Variants in B4GALNT2 observed in about 807,000 individuals in gnomAD.
The protein encoded by B4GALNT2 is N-acetylneuraminylgalactosylglucosyl-glucoside beta-1,4-N- acetylgalactosaminyltransferase 2.
In B4GALNT2, 42 loss-of-function variants were observed where a neutral mutation model predicts 51.1. That is an observed-to-expected ratio of 0.82 (90% CI 0.64 to 1.06). The LOEUF (loss-of-function observed/expected upper bound fraction) is 1.06. B4GALNT2 is among the 50% of genes least tolerant of loss of function. B4GALNT2 has a pLI of 0.00. For missense variants in B4GALNT2, 602 were observed against 633.6 expected (o/e 0.95, Z 0.54); for synonymous variants, 253 against 251.7 (o/e 1.01, Z -0.05).
chr17:49,158,389 A>G (rs1426891152), intron 5 of B4GALNT2, among the ~76,000 whole-genome samples: 1 of 152,136 alleles, frequency 6.6e-6, no homozygotes, highest in Non-Finnish European at 1.5e-5. Context: ...ATCTAGCAGG[A>G]AGGTGTGGAG....
intron 10 of B4GALNT2, among the ~76,000 whole-genome samples, 187 bp from the exon 11 acceptor site, chr17:49,169,332 CTTAT>C (rs1388154625): frequency 6.6e-6 from 1 of 152,128 alleles, no homozygotes; most frequent in African/African-American, 2.4e-5. Flanking sequence ...GAGAAATGAG[CTTAT>C]TTATTTCCTT....
chr17:49,161,681 G>GATATCTAAATACATTTTAAAGTACTAGA (rs2042866385), intron 7 of B4GALNT2, among the ~76,000 whole-genome samples: 2 of 151,708 alleles, frequency 1.3e-5, no homozygotes, highest in Admixed American at 6.6e-5. Flanking sequence ...TAAAGTACTA[G>GATATCTAAATACATTTTAAAGTACTAGA]AAAAAAAACC....
rs2042963443 is a variant in B4GALNT2, at chr17:49,172,519, T to C, written c.*2791T>C. The C allele has an allele frequency of 6.5e-6, 1 of 153,926 alleles. No individual in the cohort carries two copies. Among genetic ancestry groups the C allele is most frequent in the South Asian group, 2.0e-4 (1 of 4,886 alleles). 9.5% of individuals were successfully genotyped at this position (153,926 alleles called of 1,614,324 possible). A position where few individuals can be genotyped will look rare whatever the true frequency, so the allele number is the denominator to read the frequency against. ...TCAAAAAATTTAAAGTCAATAATGC[T>C]AGAATCAATTGCATATGGGGTGTCC... On this transcript the variant is annotated 3_prime_UTR_variant, in exon 11 of 11. Transcript: ENST00000393354.
chr17:49,134,197 C>T (rs956229066), intron 1 of B4GALNT2, among the ~76,000 whole-genome samples: 5 of 152,140 alleles, frequency 3.3e-5, no homozygotes, highest in Admixed American at 6.6e-5. Context: ...TGGAATCATG[C>T]ATAAAAGGTC....
At chr17:49,141,145 T>G in intron 1 of B4GALNT2, 102 bp from the exon 2 acceptor site, 1 of 1,108,286 alleles carries the variant, frequency 9.0e-7, no homozygotes, top group Non-Finnish European at 1.4e-6. Context: ...CAATATAAGC[T>G]ATGTGCTTAG....
At chr17:49,158,561 CT>C (rs1479941739) in intron 5 of B4GALNT2, among the ~76,000 whole-genome samples, 2 of 145,038 alleles carry the variant, frequency 1.4e-5, no homozygotes, top group Non-Finnish European at 3.0e-5. Context: ...TTGCTTTAAC[CT>C]GGGAGGTGGA....
chr17:49,143,819 A>C (rs755131615), intron 3 of B4GALNT2, among the ~76,000 whole-genome samples: 36 of 148,928 alleles, frequency 2.4e-4, no homozygotes, highest in Non-Finnish European at 4.3e-4. Flanking sequence ...GAGCACATGC[A>C]TCAGCTGAGG....
chr17:49,168,850 G>T lies in B4GALNT2; in HGVS notation c.1265G>T (p.Arg422Leu), dbSNP rs187168801. Reference sequence around the variant, plus strand: ...AACTTCTTCCTGGCCCACACGGAGCGACTCCAAAGAGTTGGCTTTGATCCC... The same window carrying T: ...AACTTCTTCCTGGCCCACACGGAGCTACTCCAAAGAGTTGGCTTTGATCCC... ...VVNFFLAHTE[R>L]LQRVGFDPRL... The change falls in exon 10 of 11, where the codon CGA becomes CTA. Residue 422 changes from arginine to leucine, a missense_variant. Arg to Leu is a moderately radical substitution (Grantham distance 102). Transcript: ENST00000393354. 8 of 1,613,436 alleles carry T rather than the reference G, an allele frequency of 5.0e-6. No individual in the cohort carries two copies. The East Asian group carries it at 1.8e-4, about 36-fold the overall frequency.
intron 7 of B4GALNT2, among the ~76,000 whole-genome samples, chr17:49,162,873 A>G (rs1311021234): frequency 7.9e-6 from 1 of 125,988 alleles, no homozygotes; most frequent in African/African-American, 3.0e-5. Context: ...AGATCATGCC[A>G]TTGCACTCCA....
At chr17:49,135,638 A>G (rs2042583050) in intron 1 of B4GALNT2, among the ~76,000 whole-genome samples, 1 of 152,148 alleles carries the variant, frequency 6.6e-6, no homozygotes, top group African/African-American at 2.4e-5. Context: ...TGACCAATAA[A>G]AAATCTGTTC....
chr17:49,167,850 T>C (rs2042925073), intron 9 of B4GALNT2, among the ~76,000 whole-genome samples: 1 of 152,108 alleles, frequency 6.6e-6, no homozygotes, highest in Non-Finnish European at 1.5e-5. Flanking sequence ...CCTCAGGTGA[T>C]CCACCCACCT....
chr17:49,137,054 C>A (rs939738707), intron 1 of B4GALNT2, among the ~76,000 whole-genome samples: 3 of 150,700 alleles, frequency 2.0e-5, no homozygotes, highest in African/African-American at 7.4e-5. Flanking sequence ...AGTTCATTAC[C>A]AGAAACCCAC....
intron 7 of B4GALNT2, among the ~76,000 whole-genome samples, chr17:49,163,756 CAAAAAAA>C (rs10589274): frequency 3.3e-5 from 3 of 91,132 alleles, no homozygotes; most frequent in South Asian, 3.9e-4. Context: ...AACTCCGTAT[CAAAAAAA>C]AAAAAAAAAA....
At chr17:49,132,963 C>G in intron 1 of B4GALNT2, 157 bp downstream of exon 1, 1 of 1,411,986 alleles carries the variant, frequency 7.1e-7, no homozygotes, top group Non-Finnish European at 9.2e-7. Context: ...AACCGGTTCC[C>G]CGCATAGGTG....
At chr17:49,150,011 A>G (rs1438931238) in intron 3 of B4GALNT2, among the ~76,000 whole-genome samples, 4 of 152,024 alleles carry the variant, frequency 2.6e-5, no homozygotes, top group East Asian at 1.9e-4. Flanking sequence ...TGCCATTTGT[A>G]TTTCCTCTTC....
chr17:49,156,064 CA>C (rs2042807038), intron 4 of B4GALNT2, among the ~76,000 whole-genome samples: 1 of 152,140 alleles, frequency 6.6e-6, no homozygotes, highest in Non-Finnish European at 1.5e-5. Flanking sequence ...GTGTATACTT[CA>C]GTGACATGAA....
chr17:49,125,937 C>T, the B4GALNT2 span, among the ~76,000 whole-genome samples: 3 of 149,800 alleles, frequency 2.0e-5, no homozygotes, highest in Non-Finnish European at 4.5e-5. Context: ...TGCCTCTGCC[C>T]GACCGCCCCT....
In B4GALNT2 at chr17:49,176,054, G is replaced by C. The variant is rs1248619614; in HGVS notation, c.*6326G>C. The C allele has an allele frequency of 6.6e-6, 1 of 152,232 alleles. No individual in the cohort carries two copies. Among genetic ancestry groups the C allele is most frequent in the Admixed American group, 6.5e-5 (1 of 15,288 alleles). The allele number at this position is 152,232 out of a possible 1,614,324, so 9.4% of individuals were successfully genotyped here. ...CACCAGAGCCCACACTTGTCCCATT[G>C]TTACCCTGATGTTTCCGAGCTCCCC... On this transcript the variant is annotated 3_prime_UTR_variant, in exon 11 of 11. Coordinates refer to ENST00000393354, the MANE Select transcript of B4GALNT2 (RefSeq NM_001159387.2).
At chr17:49,162,883 A>G (rs1199594660) in intron 7 of B4GALNT2, among the ~76,000 whole-genome samples, 1 of 119,732 alleles carries the variant, frequency 8.4e-6, no homozygotes, top group Non-Finnish European at 1.6e-5. Flanking sequence ...ATTGCACTCC[A>G]GTCTGGGTGA....
Sources: gnomAD v4.1 joint callset for allele counts (sites outside exome capture counted in the v4.1 genomes callset) on GRCh38, gnomAD v4.1.1 for gene constraint, MANE v1.5 for transcripts, NCBI Gene and HGNC (gene_info 2026-07-23, HGNC 2026-07-21) for gene names.